LRRC32: variants seen among roughly 807,000 people sequenced by gnomAD.
LRRC32 encodes the protein transforming growth factor beta activator LRRC32.
In LRRC32, 5 loss-of-function variants were observed where a neutral mutation model predicts 15.0. The observed-to-expected ratio is 0.33, with a 90% CI of 0.17 to 0.70. The LOEUF is 0.70. LRRC32 is among the 30% of genes least tolerant of loss of function. The pLI, the probability that LRRC32 is intolerant of heterozygous loss-of-function variation, is 0.66. For synonymous variants in LRRC32, 391 were observed against 403.9 expected, an observed-to-expected ratio of 0.97 and a Z score of 0.38; for missense variants, 803 against 854.2, an observed-to-expected ratio of 0.94 and a Z score of 0.75.
chr11:76,664,651 C>T (rs563563297), intron 2 of LRRC32, among the ~76,000 whole-genome samples: 12 of 152,290 alleles, frequency 7.9e-5, no homozygotes, highest in Non-Finnish European at 1.0e-4. Flanking sequence ...CCTTACTTCC[C>T]GTGTGTATTA....
Position 76,660,680 on chromosome 11 carries a change from G to A in LRRC32, c.913C>T (p.Pro305Ser), listed in dbSNP as rs1333757439. Residue 305 changes from proline (P) to serine (S), a missense_variant, in exon 3 of 3, where the codon CCC becomes TCC. Coordinates refer to ENST00000260061, the MANE Select transcript of LRRC32 (RefSeq NM_001128922.2). ...GGGCGGCCGCTGGCATTCCCGCTGG[G>A]GGCTGAGAGGGGCAGGGCTGACCAG... ...EGWSALPLSAPSGNASGRPLS... is the reference protein window; with the variant it reads ...EGWSALPLSASSGNASGRPLS... 3 of 1,614,002 alleles carry A rather than the reference G, an allele frequency of 1.9e-6. No individual in the cohort carries two copies. Among genetic ancestry groups the A allele is most frequent in the Admixed American group, 1.7e-5 (1 of 60,004 alleles).
chr11:76,669,276 A>G (rs1455995373), intron 1 of LRRC32, among the ~76,000 whole-genome samples: 1 of 151,966 alleles, frequency 6.6e-6, no homozygotes, highest in African/African-American at 2.4e-5. Flanking sequence ...GCCTGCAGAC[A>G]AGTGGCCTGG....
chr11:76,668,120 C>T (rs1031616219), intron 1 of LRRC32, among the ~76,000 whole-genome samples: 10 of 152,012 alleles, frequency 6.6e-5, no homozygotes, highest in African/African-American at 2.2e-4. Context: ...AACAGGTCAG[C>T]AGCGGACAGA....
intron 1 of LRRC32, among the ~76,000 whole-genome samples, chr11:76,667,332 A>T (rs181765941): frequency 6.6e-6 from 1 of 152,178 alleles, no homozygotes; most frequent in Non-Finnish European, 1.5e-5. Flanking sequence ...GTGCCCTTCA[A>T]ATCCACACTC....
Position 76,660,858 on chromosome 11 carries a change from G to A in LRRC32, c.735C>T (p.Leu245=). 6.2e-7 allele frequency: 1 copy of A among 1,614,228 alleles called. No individual in the cohort carries two copies. Among genetic ancestry groups the A allele is most frequent in the Non-Finnish European group, 8.5e-7 (1 of 1,180,046 alleles). ...TGTTCTCCCGCAGGTCAAGCCAGGT[G>A]AGCTGGAACTCAGCCTGGGGCTGGG... The part of the protein sequence containing the change: ...TASQPQAEFQ[L]TWLDLRENKL... The change falls in exon 3 of 3, where the codon CTC becomes CTT. Residue 245 remains leucine (L), a synonymous_variant. Coordinates refer to ENST00000260061, the MANE Select transcript of LRRC32 (RefSeq NM_001128922.2).
intron 2 of LRRC32, 139 bp from the exon 3 acceptor site, chr11:76,661,647 C>G: frequency 7.2e-7 from 1 of 1,393,812 alleles, no homozygotes; most frequent in South Asian, 1.5e-5. Context: ...CTTTCCCCCA[C>G]CGCAGCCTGA....
intron 2 of LRRC32, chr11:76,662,680 C>CCGGGCT: frequency 6.6e-6 from 1 of 152,506 alleles, no homozygotes; most frequent in African/African-American, 2.4e-5. Flanking sequence ...TCCACAATCA[C>CCGGGCT]CGGGCTCAGG....
At chr11:76,661,784 ATAG>A (rs1336770163) in intron 2 of LRRC32, among the ~76,000 whole-genome samples, 3 of 125,590 alleles carry the variant, frequency 2.4e-5, no homozygotes, top group Non-Finnish European at 3.7e-5. Flanking sequence ...TGATAGACAG[ATAG>A]AAGGACAAAT....
chr11:76,666,603 G>A (rs1406243253), intron 1 of LRRC32, among the ~76,000 whole-genome samples: 1 of 152,214 alleles, frequency 6.6e-6, no homozygotes, highest in Non-Finnish European at 1.5e-5. Context: ...GGAGCAGCCT[G>A]GCAGGCCCTG....
chr11:76,662,513 G>C (rs1565405212), intron 2 of LRRC32: 1 of 152,118 alleles, frequency 6.6e-6, no homozygotes, highest in African/African-American at 2.4e-5. Flanking sequence ...AGCAGAGCTG[G>C]GATTTGAACC....
chr11:76,661,248 C>G lies in LRRC32; in HGVS notation c.345G>C (p.Leu115=), dbSNP rs371373179. 25 of 1,613,830 alleles carry G rather than the reference C, an allele frequency of 1.5e-5. No homozygotes were observed. The highest frequency in any genetic ancestry group is 2.1e-5 in the Non-Finnish European group (25 of 1,179,918). Residue 115 remains leucine, a synonymous_variant, in exon 3 of 3, where the codon CTG becomes CTC. Coordinates refer to ENST00000260061, the MANE Select transcript of LRRC32 (RefSeq NM_001128922.2). ...GCAGGGGGCCCAGGCCACCAGCACT[C>G]AGCGCAGTGGCCATCGCCAGCCGGT... ...AHNRLAMATA[L]SAGGLGPLPR...
rs757982373 is a variant in LRRC32, at chr11:76,661,151, C to T, written c.442G>A (p.Ala148Thr). ...SGLLERLLGE[A>T]PSLHTLSLAE... ...AGTGAGAGGGTATGCAGGCTGGGTG[C>T]CTCCCCCAGCAGCCGCTCCAGCAGG... is the stretch of plus-strand genomic sequence containing the variant. The change falls in exon 3 of 3, where the codon GCA (alanine) becomes ACA (threonine). Residue 148 changes from alanine to threonine, a missense_variant. Transcript: ENST00000260061. The T allele has an allele frequency of 2.5e-5, 40 of 1,613,356 alleles. No homozygotes were observed. In the South Asian group the frequency reaches 4.1e-4, roughly 16 times the overall value.
At position 76,659,377 on chromosome 11, in the gene LRRC32, C is replaced by T. The variant is rs190027246; in HGVS notation, c.*227G>A. ...TGATCTGACAGGTCAACATTATTCTCGGCTGTCCCTGAAACCGCCCAACTT... is the reference window on the plus strand; with the variant it reads ...TGATCTGACAGGTCAACATTATTCTTGGCTGTCCCTGAAACCGCCCAACTT... On this transcript the variant is annotated 3_prime_UTR_variant, in exon 3 of 3. Coordinates refer to ENST00000260061, the MANE Select transcript of LRRC32 (RefSeq NM_001128922.2). 3.3e-4 allele frequency: 182 copies of T among 557,840 alleles called. No individual in the cohort carries two copies. The highest frequency in any genetic ancestry group is 4.8e-4 in the Non-Finnish European group (150 of 312,662). 34.6% of individuals were successfully genotyped at this position (557,840 alleles called of 1,614,324 possible). A position where few individuals can be genotyped will look rare whatever the true frequency, so the allele number is the denominator to read the frequency against.
rs1952487207 is a variant in LRRC32, at chr11:76,660,111, C to T, written c.1482G>A (p.Glu494=). The T allele has an allele frequency of 1.2e-6, 2 of 1,613,750 alleles. No individual in the cohort carries two copies. Among genetic ancestry groups the T allele is most frequent in the Non-Finnish European group, 8.5e-7 (1 of 1,179,778 alleles). The change falls in exon 3 of 3, where the codon GAG becomes GAA. Residue 494 remains glutamate, a synonymous_variant. Coordinates refer to ENST00000260061, the MANE Select transcript of LRRC32 (RefSeq NM_001128922.2). ...GCCCGTTGCCCTGCAGTGCCAGGAC[C>T]TCCAAGGAGGCCTCCAGGCCTCCCA... is the stretch of plus-strand genomic sequence containing the variant. ...GALGGLEASL[E]VLALQGNGLM...
At chr11:76,668,426 T>A (rs1003157538) in intron 1 of LRRC32, among the ~76,000 whole-genome samples, 3 of 152,188 alleles carry the variant, frequency 2.0e-5, no homozygotes, top group Admixed American at 6.5e-5. Flanking sequence ...ACCTCTTCTG[T>A]TTGAAAATCT....
intron 1 of LRRC32, 77 bp from the exon 2 acceptor site, chr11:76,666,035 AT>A: frequency 3.0e-6 from 4 of 1,342,066 alleles, no homozygotes; most frequent in Admixed American, 1.7e-5. Flanking sequence ...ACTCCCACCC[AT>A]TCTGTGCCTG....
chr11:76,667,388 G>A (rs931588796), intron 1 of LRRC32, among the ~76,000 whole-genome samples: 11 of 152,170 alleles, frequency 7.2e-5, no homozygotes, highest in Non-Finnish European at 1.6e-4. Context: ...GCTGAACCGC[G>A]ATTCTGAAGG....
rs185146466 is a variant in LRRC32, at chr11:76,665,727, C to T, written c.84+144G>A. On this transcript the variant is annotated intron_variant, in intron 2 of 2. Transcript: ENST00000260061. ...TGGGTAAATAAGGTGTTTAAACATTCTAGTAGGTGCTCATTAAATGCAAGG... is the reference window on the plus strand; with the variant it reads ...TGGGTAAATAAGGTGTTTAAACATTTTAGTAGGTGCTCATTAAATGCAAGG... The T allele has an allele frequency of 2.3e-5, 27 of 1,175,382 alleles. No homozygotes were observed. The Admixed American group carries it at 4.7e-4, about 21-fold the overall frequency. The allele number at this position is 1,175,382 out of a possible 1,614,324, so 72.8% of individuals were successfully genotyped here. A position where few individuals can be genotyped will look rare whatever the true frequency, so the allele number is the denominator to read the frequency against.
chr11:76,669,386 T>TGTGAGAGA (rs1439284769), intron 1 of LRRC32, among the ~76,000 whole-genome samples: 2 of 127,850 alleles, frequency 1.6e-5, no homozygotes, highest in African/African-American at 5.9e-5. Flanking sequence ...TGTGTGTGTG[T>TGTGAGAGA]GAGAGAGAGA....
Sources: gnomAD v4.1 joint callset for allele counts (sites outside exome capture counted in the v4.1 genomes callset) on GRCh38, gnomAD v4.1.1 for gene constraint, MANE v1.5 for transcripts, NCBI Gene and HGNC (gene_info 2026-07-23, HGNC 2026-07-21) for gene names.